Variants in GULP1 observed in about 807,000 individuals in gnomAD.
The protein encoded by GULP1 is GULP PTB domain containing engulfment adaptor 1.
A neutral mutation model predicts 40.9 loss-of-function variants in GULP1; 19 were observed. That is an observed-to-expected ratio of 0.46 (90% CI 0.32 to 0.68). GULP1 has a LOEUF of 0.68. GULP1 is among the 30% of genes least tolerant of loss of function. The pLI, the probability that GULP1 is intolerant of heterozygous loss-of-function variation, is 0.03. For missense variants in GULP1, 312 were observed against 362.2 expected (o/e 0.86, Z 1.12); for synonymous variants, 119 against 117.6 (o/e 1.01, Z -0.08).
chr2:188,403,372 C>T (rs747491164), intron 2 of GULP1, among the ~76,000 whole-genome samples: 3 of 151,772 alleles, frequency 2.0e-5, no homozygotes, highest in Non-Finnish European at 4.4e-5. Flanking sequence ...TTGTTACGTG[C>T]CCTAAATTAA....
chr2:188,352,598 T>A (rs1490112267), intron 1 of GULP1, among the ~76,000 whole-genome samples: 4 of 96,442 alleles, frequency 4.1e-5, no homozygotes, highest in Non-Finnish European at 6.5e-5. Flanking sequence ...GTTCTTGCTC[T>A]CTTTCTCTCT....
intron 3 of GULP1, 48 bp from the exon 4 acceptor site, chr2:188,483,383 T>G: frequency 1.1e-6 from 1 of 878,308 alleles, no homozygotes; most frequent in Non-Finnish European, 1.9e-6. Flanking sequence ...TGCGTGAATA[T>G]GACACCATGG....
chr2:188,395,684 G>A (rs1241531233), intron 2 of GULP1, among the ~76,000 whole-genome samples: 3 of 152,124 alleles, frequency 2.0e-5, no homozygotes, highest in East Asian at 3.9e-4. Flanking sequence ...TTCTCATTCT[G>A]CTAGAAGTAG....
At chr2:188,521,202 G>T (rs562606307) in intron 4 of GULP1, among the ~76,000 whole-genome samples, 2 of 152,080 alleles carry the variant, frequency 1.3e-5, no homozygotes, top group South Asian at 2.1e-4. Flanking sequence ...CCTATATATA[G>T]AATTTTTTCT....
intron 1 of GULP1, among the ~76,000 whole-genome samples, chr2:188,352,921 A>G (rs1275577920): frequency 6.6e-6 from 1 of 152,118 alleles, no homozygotes; most frequent in East Asian, 1.9e-4. Context: ...AAGCACTTAA[A>G]CATATTTATA....
chr2:188,483,240 T>C (rs2061576178), intron 3 of GULP1, among the ~76,000 whole-genome samples, 191 bp from the exon 4 acceptor site: 1 of 152,072 alleles, frequency 6.6e-6, no homozygotes, highest in South Asian at 2.1e-4. Context: ...GGGATTTTTA[T>C]ACCAAAGAAA....
At chr2:188,449,637 C>T (rs182816073) in intron 2 of GULP1, among the ~76,000 whole-genome samples, 1 of 152,146 alleles carries the variant, frequency 6.6e-6, no homozygotes, top group Non-Finnish European at 1.5e-5. Flanking sequence ...TTAAAATAGG[C>T]ATTTCTACTG....
intron 4 of GULP1, among the ~76,000 whole-genome samples, chr2:188,520,633 G>A (rs2065661071): frequency 6.7e-6 from 1 of 150,336 alleles, no homozygotes; most frequent in African/African-American, 2.5e-5. Context: ...GCCTCCATTT[G>A]TTCATCAGAA....
chr2:188,533,081 A>T (rs1246341582), intron 6 of GULP1, among the ~76,000 whole-genome samples: 39 of 152,216 alleles, frequency 2.6e-4, no homozygotes. Context: ...CTTATGATTT[A>T]TTAGGTTATT....
intron 2 of GULP1, among the ~76,000 whole-genome samples, chr2:188,420,576 C>CAA (rs2055260023): frequency 6.6e-6 from 1 of 152,106 alleles, no homozygotes; most frequent in Non-Finnish European, 1.5e-5. Flanking sequence ...AGGAATAAGA[C>CAA]ACGTGGACAC....
chr2:188,528,891 A>C (rs1210672257), intron 5 of GULP1, among the ~76,000 whole-genome samples: 1 of 152,154 alleles, frequency 6.6e-6, no homozygotes, highest in Non-Finnish European at 1.5e-5. Context: ...AATTTAAAAA[A>C]CTTGCTGAAA....
intron 4 of GULP1, among the ~76,000 whole-genome samples, chr2:188,488,806 T>G (rs2062085405): frequency 6.6e-6 from 1 of 152,032 alleles, no homozygotes; most frequent in African/African-American, 2.4e-5. Context: ...TAATAGGAGA[T>G]ACTTTGAGGT....
intron 2 of GULP1, among the ~76,000 whole-genome samples, chr2:188,452,003 A>C (rs908985569): frequency 6.6e-6 from 1 of 152,198 alleles, no homozygotes; most frequent in Non-Finnish European, 1.5e-5. Context: ...AATTAGGATG[A>C]ATTGTTTTAT....
chr2:188,574,439 C>A (rs564799914), intron 9 of GULP1, among the ~76,000 whole-genome samples: 103 of 152,130 alleles, frequency 6.8e-4, no homozygotes, highest in African/African-American at 2.4e-3. Context: ...GCCTAGGCAA[C>A]ATGGCAAAGC....
chr2:188,524,604 ATTT>A (rs202151742), intron 5 of GULP1, among the ~76,000 whole-genome samples: 1 of 139,726 alleles, frequency 7.2e-6, no homozygotes. Context: ...ATATATATAT[ATTT>A]TTTTTTTGCT....
At chr2:188,546,098 C>T (rs1239590282) in intron 7 of GULP1, among the ~76,000 whole-genome samples, 1 of 151,856 alleles carries the variant, frequency 6.6e-6, no homozygotes, top group Non-Finnish European at 1.5e-5. Flanking sequence ...ACAGATAGAA[C>T]TAAAAGAGTA....
At chr2:188,433,623 C>G (rs1487703458) in intron 2 of GULP1, among the ~76,000 whole-genome samples, 1 of 152,154 alleles carries the variant, frequency 6.6e-6, no homozygotes, top group African/African-American at 2.4e-5. Flanking sequence ...TCAATGGGCA[C>G]ATCTTGGTAT....
At chr2:188,349,369 T>C (rs2044137748) in intron 1 of GULP1, among the ~76,000 whole-genome samples, 2 of 152,188 alleles carry the variant, frequency 1.3e-5, no homozygotes, top group African/African-American at 4.8e-5. Flanking sequence ...ATCAACAATA[T>C]ATGAGGGTTC....
intron 7 of GULP1, among the ~76,000 whole-genome samples, chr2:188,553,487 C>T (rs7569327): frequency 0.89 from 135,035 of 152,046 alleles, 61,258 homozygotes; most frequent in South Asian, 0.99. Context: ...TATGTTGAAC[C>T]ATCCACGCAT....
Sources: gnomAD v4.1 joint callset for allele counts (sites outside exome capture counted in the v4.1 genomes callset) on GRCh38, gnomAD v4.1.1 for gene constraint, MANE v1.5 for transcripts, NCBI Gene and HGNC (gene_info 2026-07-23, HGNC 2026-07-21) for gene names.